Variants in PFKL observed in about 807,000 individuals in gnomAD.
PFKL encodes the protein ATP-dependent 6-phosphofructokinase, liver type.
In PFKL, 74 loss-of-function variants were observed where a neutral mutation model predicts 92.1. The ratio of observed to expected loss-of-function variants is 0.80; its 90% CI spans 0.67 to 0.97. The LOEUF (loss-of-function observed/expected upper bound fraction) is 0.97. Ranked by LOEUF, PFKL falls within the 50% of genes least tolerant of loss-of-function variation. The pLI, the probability that PFKL is intolerant of heterozygous loss-of-function variation, is 0.00. For missense variants in PFKL, 1,028 were observed against 1,116.6 expected (o/e 0.92, Z 1.13); for synonymous variants, 494 against 456.4 (o/e 1.08, Z -1.05).
chr21:44,312,707 C>T (rs1294418074), intron 4 of PFKL, among the ~76,000 whole-genome samples: 1 of 152,242 alleles, frequency 6.6e-6, no homozygotes, highest in Non-Finnish European at 1.5e-5. Flanking sequence ...GGAGCCATGT[C>T]TGTTCCATGT....
At chr21:44,306,966 G>A (rs1394306529) in intron 2 of PFKL, among the ~76,000 whole-genome samples, 6 of 152,208 alleles carry the variant, frequency 3.9e-5, no homozygotes, top group African/African-American at 1.4e-4. Context: ...ACTCAGCCCG[G>A]CTGGAGGCTC....
At chr21:44,309,988 CCT>C (rs1283121592) in intron 2 of PFKL, among the ~76,000 whole-genome samples, 3 of 152,244 alleles carry the variant, frequency 2.0e-5, no homozygotes, top group African/African-American at 7.2e-5. Flanking sequence ...CCCCCAGGGC[CCT>C]GACACCTGGT....
chr21:44,325,809 C>T (rs562140670), intron 19 of PFKL, 152 bp from the exon 20 acceptor site: 32 of 614,392 alleles, frequency 5.2e-5, no homozygotes, highest in Admixed American at 3.8e-4. Context: ...GGTCCTCGAT[C>T]GGGAACAGAC....
intron 11 of PFKL, chr21:44,319,784 T>C (rs527670338): frequency 1.7e-4 from 90 of 516,304 alleles, no homozygotes; most frequent in African/African-American, 1.6e-3. Flanking sequence ...CAGGCTGGAT[T>C]GGACGTCTGG....
intron 16 of PFKL, 34 bp from the exon 17 acceptor site, chr21:44,324,457 C>A: frequency 1.2e-6 from 2 of 1,608,702 alleles, no homozygotes; most frequent in Non-Finnish European, 8.5e-7. Flanking sequence ...AGGGTGGGCA[C>A]GTGGAGGACC....
intron 2 of PFKL, among the ~76,000 whole-genome samples, chr21:44,309,766 G>C (rs1377309901): frequency 6.6e-6 from 1 of 152,198 alleles, no homozygotes; most frequent in Non-Finnish European, 1.5e-5. Flanking sequence ...GAGGGGGCCA[G>C]GCTGGCCTGG....
chr21:44,325,131 C>G, intron 18 of PFKL, 22 bp from the exon 19 acceptor site: 1 of 1,529,228 alleles, frequency 6.5e-7, no homozygotes, highest in Non-Finnish European at 9.1e-7. Context: ...CCCGCCGACT[C>G]AGGCCCTGCT....
At chr21:44,313,192 A>C in intron 5 of PFKL, 49 bp downstream of exon 5, 1 of 1,591,154 alleles carries the variant, frequency 6.3e-7, no homozygotes, top group Non-Finnish European at 8.6e-7. Context: ...TCCTCCCCGC[A>C]CGGTGGTGAG....
intron 21 of PFKL, 88 bp downstream of exon 21, chr21:44,326,352 A>G: frequency 1.0e-6 from 1 of 994,556 alleles, no homozygotes; most frequent in South Asian, 1.5e-5. Context: ...GCCCAGCCCC[A>G]CTGGCACCCT....
At chr21:44,325,062 T>C in intron 18 of PFKL, 91 bp from the exon 19 acceptor site, 4 of 1,174,774 alleles carry the variant, frequency 3.4e-6, no homozygotes, top group Non-Finnish European at 5.0e-6. Context: ...GAGCTGCCAC[T>C]CCCTCTCCCA....
Position 44,316,302 on chromosome 21 carries a change from G to T in PFKL, c.806G>T (p.Arg269Leu). Residue 269 changes from arginine to leucine, a missense_variant, in exon 8 of 22, where the codon CGC (arginine) becomes CTC (leucine). Physicochemically the swap from Arg to Leu is moderately radical, Grantham distance 102. Transcript: ENST00000349048. ...ATCATCGCTGAGGGTGCCATTGACCGCAACGGGAAGCCCATCTCGTCCAGC... is the reference window on the plus strand; with the variant it reads ...ATCATCGCTGAGGGTGCCATTGACCTCAACGGGAAGCCCATCTCGTCCAGC... ...IIIIAEGAID[R>L]NGKPISSSYV... The T allele has an allele frequency of 1.9e-6, 3 of 1,613,316 alleles. No homozygotes were observed. The highest frequency in any genetic ancestry group is 2.5e-6 in the Non-Finnish European group (3 of 1,179,974).
At chr21:44,305,931 G>C (rs1012210061) in intron 1 of PFKL, 1 of 1,360,130 alleles carries the variant, frequency 7.4e-7, no homozygotes, top group East Asian at 4.6e-5. Flanking sequence ...TGTCCAGGCT[G>C]GGGGGTGAGG....
At chr21:44,319,320 C>T in intron 10 of PFKL, 31 bp from the exon 11 acceptor site, 5 of 1,596,598 alleles carry the variant, frequency 3.1e-6, no homozygotes, top group Non-Finnish European at 4.3e-6. Context: ...CCAGGCTCTC[C>T]ATAGTCTGTG....
At position 44,320,116 on chromosome 21, in the gene PFKL, T is replaced by A; in HGVS notation, c.1160T>A (p.Leu387His). The change falls in exon 12 of 22, where the codon CTC becomes CAC. Residue 387 changes from leucine (L) to histidine (H), a missense_variant. Coordinates refer to ENST00000349048, the MANE Select transcript of PFKL (RefSeq NM_002626.6). Reference sequence around the variant, plus strand: ...GAGAACAACTGGAACATTTACAAGCTCCTCGCCCACCAGAAGCCCCCCAAG... The same window carrying A: ...GAGAACAACTGGAACATTTACAAGCACCTCGCCCACCAGAAGCCCCCCAAG... ...SFENNWNIYK[L>H]LAHQKPPKEK... The A allele has an allele frequency of 6.2e-7, 1 of 1,613,370 alleles. No homozygotes were observed. Among genetic ancestry groups the A allele is most frequent in the East Asian group, 2.2e-5 (1 of 44,868 alleles).
At chr21:44,318,748 G>T (rs889949875) in intron 10 of PFKL, among the ~76,000 whole-genome samples, 153 bp downstream of exon 10, 22 of 152,120 alleles carry the variant, frequency 1.4e-4, no homozygotes. Context: ...CCAGGGAGGG[G>T]AGGGATGTGA....
rs564240645 is a variant in PFKL at position 44,303,432 on chromosome 21, C to T, written c.85+3242C>T. 1.4e-3 allele frequency among the ~76,000 whole-genome samples: 88 copies of T among 63,750 alleles called. 7 individuals are homozygous for T. The highest frequency in any genetic ancestry group is 1.0e-2 in the East Asian group (28 of 2,808). The allele number at this position is 63,750 out of a possible 152,430, so 41.8% of individuals were successfully genotyped here. ...TCTCAAAAAAAAAAAACAGACTTGA[C>T]CAAAAAAAAAAAAAAAAAAAAAATG... On this transcript the variant is annotated intron_variant, in intron 1 of 21. Coordinates refer to ENST00000349048, the MANE Select transcript of PFKL (RefSeq NM_002626.6).
chr21:44,309,076 C>G (rs1374581474), intron 2 of PFKL, among the ~76,000 whole-genome samples: 1 of 152,174 alleles, frequency 6.6e-6, no homozygotes, highest in East Asian at 1.9e-4. Flanking sequence ...GCATCCTGAG[C>G]TTGGAGGAGG....
In PFKL at chr21:44,326,217, G is replaced by C. The variant is rs201494001; in HGVS notation, c.2148G>C (p.Ala716=). ...SACVIGLKKK[A]VAFSPVTELK... ...GCGTGATCGGCCTGAAGAAGAAGGCGGTGGCCTTCAGCCCCGTCACTGAGC... is the reference window on the plus strand; with the variant it reads ...GCGTGATCGGCCTGAAGAAGAAGGCCGTGGCCTTCAGCCCCGTCACTGAGC... Residue 716 remains alanine, a synonymous_variant, in exon 21 of 22, where the codon GCG becomes GCC. Transcript: ENST00000349048. 14 of 1,612,876 alleles carry C rather than the reference G, an allele frequency of 8.7e-6. No homozygotes were observed. The South Asian group carries it at 1.5e-4, about 18-fold the overall frequency.
chr21:44,315,610 A>G (rs944284603), intron 7 of PFKL: 1 of 153,856 alleles, frequency 6.5e-6, no homozygotes. Context: ...ATTGAAGTGG[A>G]CGGCCGAAAA....
Sources: gnomAD v4.1 joint callset for allele counts (sites outside exome capture counted in the v4.1 genomes callset) on GRCh38, gnomAD v4.1.1 for gene constraint, MANE v1.5 for transcripts, NCBI Gene and HGNC (gene_info 2026-07-23, HGNC 2026-07-21) for gene names.